Variants in NOMO1 observed in about 807,000 individuals in gnomAD.
The protein encoded by NOMO1 is NODAL modulator 1.
A neutral mutation model predicts 133.8 loss-of-function variants in NOMO1; 40 were observed. That is an observed-to-expected ratio of 0.30 (90% CI 0.23 to 0.39). The LOEUF is 0.39. NOMO1 is among the 10% of genes least tolerant of loss of function. The pLI is 1.00. For synonymous variants in NOMO1, 236 were observed against 570.5 expected (o/e 0.41, Z 8.36); for missense variants, 462 against 1,419.9 (o/e 0.33, Z 10.84).
Position 14,835,960 on chromosome 16 carries a change from C to A in NOMO1, c.165+1944C>A, listed in dbSNP as rs891152867. Among the ~76,000 whole-genome samples the A allele has an allele frequency of 1.2e-4, 18 of 151,764 alleles. 1 individual carries two copies. The highest frequency in any genetic ancestry group is 4.1e-4 in the African/African-American group (17 of 41,222). On this transcript the variant is annotated intron_variant, in intron 1 of 30. Transcript: ENST00000287667. ...AACAGAACAGACAAAACTCCATACT[C>A]TCATGAGACTGACATTTTGTTCTCT...
chr16:14,868,952 T>G (rs2606928), intron 16 of NOMO1, among the ~76,000 whole-genome samples: 769 of 141,110 alleles, frequency 5.4e-3, no homozygotes, highest in East Asian at 0.02. Flanking sequence ...CTCTTTTTTT[T>G]TTTTGAGATG....
chr16:14,862,901 G>A, intron 11 of NOMO1, 112 bp from the exon 12 acceptor site: 3 of 1,373,194 alleles, frequency 2.2e-6, no homozygotes, highest in Non-Finnish European at 3.0e-6. Flanking sequence ...ATTAAGATTA[G>A]ACTATTCTCA....
chr16:14,889,581 C>T lies in NOMO1; in HGVS notation c.3444+366C>T, dbSNP rs1964378291. On this transcript the variant is annotated intron_variant, in intron 29 of 30. Coordinates refer to ENST00000287667, the MANE Select transcript of NOMO1 (RefSeq NM_014287.4). Reference sequence around the variant, plus strand: ...CAAAACCAAACAATCCATGGGGTGGCGAAAGAAGGCATGTCCATACAACCT... The same window carrying T: ...CAAAACCAAACAATCCATGGGGTGGTGAAAGAAGGCATGTCCATACAACCT... 3.9e-5 allele frequency among the ~76,000 whole-genome samples: 6 copies of T among 151,936 alleles called. 1 individual carries two copies. The South Asian group carries it at 1.0e-3, about 26-fold the overall frequency.
intron 23 of NOMO1, 46 bp from the exon 24 acceptor site, chr16:14,879,969 C>T: frequency 6.2e-7 from 1 of 1,611,518 alleles, no homozygotes; most frequent in Non-Finnish European, 8.5e-7. Context: ...ACTTTTAAGC[C>T]ATGCCTAGAT....
At chr16:14,867,174 ATATT>A (rs1964013865) in intron 15 of NOMO1, among the ~76,000 whole-genome samples, 2 of 13,936 alleles carry the variant, frequency 1.4e-4, no homozygotes, top group East Asian at 1.1e-3. Context: ...ATATATATAT[ATATT>A]TTTTTTTTTT....
At position 14,856,011 on chromosome 16, in the gene NOMO1, C is replaced by T. The variant is rs1002056918; in HGVS notation, c.964-1206C>T. On this transcript the variant is annotated intron_variant, in intron 9 of 30. Coordinates refer to ENST00000287667, the MANE Select transcript of NOMO1 (RefSeq NM_014287.4). ...TAAAAAAATAAAAAAGAAGGGCTCC[C>T]TGCATAAAAAGGAAGTCATTTAATT... Among the ~76,000 whole-genome samples, 6 of 152,008 alleles carry T rather than the reference C, an allele frequency of 3.9e-5. 1 individual carries two copies. Among genetic ancestry groups the T allele is most frequent in the African/African-American group, 1.2e-4 (5 of 41,334 alleles).
At chr16:14,887,849 G>A (rs1288821088) in intron 28 of NOMO1, among the ~76,000 whole-genome samples, 3 of 151,730 alleles carry the variant, frequency 2.0e-5, no homozygotes, top group African/African-American at 7.3e-5. Flanking sequence ...TGAATGAGAT[G>A]AGTTGCTTTT....
chr16:14,876,526 C>T lies in NOMO1; in HGVS notation c.2516+8C>T, dbSNP rs375136224. On this transcript the variant is annotated splice_region_variant and intron_variant, in intron 21 of 30. Transcript: ENST00000287667. ...TGACAAAGGTGCCTACAGGTGAGCC[C>T]GGGATAGAGACACATGTGCCTGGGA... 1.3e-4 allele frequency: 216 copies of T among 1,611,494 alleles called. 4 individuals are homozygous for T. In the South Asian group the frequency reaches 1.7e-3, roughly 13 times the overall value.
intron 26 of NOMO1, among the ~76,000 whole-genome samples, chr16:14,883,464 TG>T (rs1172649250): frequency 6.6e-6 from 1 of 151,688 alleles, no homozygotes; most frequent in Non-Finnish European, 1.5e-5. Context: ...AGCCTGTAGC[TG>T]GGACTACAGG....
At position 14,854,268 on chromosome 16, in the gene NOMO1, C is replaced by T. The variant is rs1963802228; in HGVS notation, c.963+242C>T. 4.1e-5 allele frequency among the ~76,000 whole-genome samples: 5 copies of T among 122,836 alleles called. No individual in the cohort carries two copies. The South Asian group carries it at 1.5e-3, about 37-fold the overall frequency. 80.6% of individuals were successfully genotyped at this position (122,836 alleles called of 152,430 possible). ...TGCCAGTGACATGCATTTCAGGCAC[C>T]ATTCCAGGACTGGGGATATAGCAGT... On this transcript the variant is annotated intron_variant, in intron 9 of 30. Transcript: ENST00000287667.
At chr16:14,879,770 T>C (rs1033711025) in intron 23 of NOMO1, among the ~76,000 whole-genome samples, 15 of 141,208 alleles carry the variant, frequency 1.1e-4, no homozygotes, top group African/African-American at 4.0e-4. Flanking sequence ...AAAAGAAAAA[T>C]TAAATATGAC....
intron 23 of NOMO1, 128 bp from the exon 24 acceptor site, chr16:14,879,887 C>A (rs1964217657): frequency 1.3e-6 from 2 of 1,595,144 alleles, no homozygotes; most frequent in Non-Finnish European, 1.7e-6. Flanking sequence ...GAGAGGGTTA[C>A]TATTTCTGGC....
At chr16:14,856,236 G>T (rs1963832370) in intron 9 of NOMO1, among the ~76,000 whole-genome samples, 2 of 151,928 alleles carry the variant, frequency 1.3e-5, no homozygotes, top group African/African-American at 4.8e-5. Flanking sequence ...GTTTGATGAA[G>T]ATACTAAAAT....
At position 14,863,045 on chromosome 16, in the gene NOMO1, G is replaced by C. The variant is rs767260491; in HGVS notation, c.1253G>C (p.Arg418Pro). 6.2e-7 allele frequency: 1 copy of C among 1,610,782 alleles called. No individual in the cohort carries two copies. Among genetic ancestry groups the C allele is most frequent in the African/African-American group, 1.3e-5 (1 of 74,482 alleles). ...GTCTGTGGTCAGATATCAATCATTC[G>C]CTTCCCCGACACCGTCAAGCAGATG... ...FSVCGQISIIRFPDTVKQMNK... is the reference protein window; with the variant it reads ...FSVCGQISIIPFPDTVKQMNK... The change falls in exon 12 of 31, where the codon CGC (arginine) becomes CCC (proline). Residue 418 changes from arginine (R) to proline (P), a missense_variant. Arg to Pro is a moderately radical substitution (Grantham distance 103, BLOSUM62 -2). Coordinates refer to ENST00000287667, the MANE Select transcript of NOMO1 (RefSeq NM_014287.4).
rs1475688445 is a variant in NOMO1, at chr16:14,884,437, A to T, written c.3177A>T (p.Leu1059Phe). ...IVFRQINQFD[L>F]SGNVITSSEY... The stretch of plus-strand genomic sequence containing the variant: ...TCCGGCAGATTAATCAATTTGATTT[A>T]AGTGGAAATGTGATCACTTCCTCTG... Residue 1059 changes from leucine to phenylalanine, a missense_variant, in exon 27 of 31, where the codon TTA becomes TTT. By Grantham distance (22) the Leu-to-Phe change is conservative. Coordinates refer to ENST00000287667, the MANE Select transcript of NOMO1 (RefSeq NM_014287.4). 1 of 1,611,366 alleles carries T rather than the reference A, an allele frequency of 6.2e-7. No homozygotes were observed. Among genetic ancestry groups the T allele is most frequent in the African/African-American group, 1.3e-5 (1 of 74,642 alleles).
At chr16:14,843,069 C>A (rs990224617) in intron 3 of NOMO1, among the ~76,000 whole-genome samples, 6 of 125,812 alleles carry the variant, frequency 4.8e-5, no homozygotes, top group Non-Finnish European at 9.8e-5. Flanking sequence ...AGGTGTGCAC[C>A]ACCACACCCA....
At chr16:14,844,470 TA>T (rs1306354200) in intron 3 of NOMO1, among the ~76,000 whole-genome samples, 1 of 145,120 alleles carries the variant, frequency 6.9e-6, no homozygotes, top group Admixed American at 7.0e-5. Flanking sequence ...ACCAGGAGGC[TA>T]GGGGGATAGG....
chr16:14,839,100 G>T (rs577561022), intron 2 of NOMO1, among the ~76,000 whole-genome samples: 4 of 151,518 alleles, frequency 2.6e-5, no homozygotes, highest in Admixed American at 2.0e-4. Context: ...TGTCGCCCAG[G>T]CTGGAGTGCA....
At chr16:14,869,703 C>G (rs1964054470) in intron 16 of NOMO1, among the ~76,000 whole-genome samples, 1 of 151,452 alleles carries the variant, frequency 6.6e-6, no homozygotes, top group Non-Finnish European at 1.5e-5. Context: ...ATGTTACGGA[C>G]ATTCTTGTAC....
Sources: gnomAD v4.1 joint callset for allele counts (sites outside exome capture counted in the v4.1 genomes callset) on GRCh38, gnomAD v4.1.1 for gene constraint, MANE v1.5 for transcripts, NCBI Gene and HGNC (gene_info 2026-07-23, HGNC 2026-07-21) for gene names.